The following IL36B variants were observed in gnomAD, a reference collection of about 807,000 sequenced individuals.
IL36B encodes interleukin-36 beta.
In IL36B, 23 loss-of-function variants were observed where a neutral mutation model predicts 19.3. The ratio of observed to expected loss-of-function variants is 1.19; its 90% CI spans 0.86 to 1.69. IL36B has a LOEUF of 1.69. Ranked by LOEUF, IL36B falls within the 40% of genes most tolerant of loss-of-function variation. The pLI is 0.00. For missense variants in IL36B, 217 were observed against 200.5 expected (o/e 1.08, Z -0.50); for synonymous variants, 59 against 59.7 (o/e 0.99, Z 0.05).
chr2:113,048,345 G>A (rs1685382362), intron 1 of IL36B, among the ~76,000 whole-genome samples: 1 of 152,176 alleles, frequency 6.6e-6, no homozygotes, highest in Admixed American at 6.5e-5. Flanking sequence ...AGGTGGCTGA[G>A]GCAGGAGAAT....
At position 113,049,697 on chromosome 2, in the gene IL36B, G is replaced by A. The variant is rs190141708; in HGVS notation, c.-58+3120C>T. Among the ~76,000 whole-genome samples, 47 of 152,350 alleles carry A rather than the reference G, an allele frequency of 3.1e-4. No individual in the cohort carries two copies. The East Asian group carries it at 7.7e-3, about 25-fold the overall frequency. On this transcript the variant is annotated intron_variant, in intron 1 of 5. Coordinates refer to ENST00000259213, the MANE Select transcript of IL36B (RefSeq NM_014438.5). ...GGGTGGGGCGTGATGGCTTATGCCTGTAATCCCAGCACTTTCGGAGGCCGA... is the reference window on the plus strand; with the variant it reads ...GGGTGGGGCGTGATGGCTTATGCCTATAATCCCAGCACTTTCGGAGGCCGA...
At chr2:113,028,205 G>A (rs568431563) in intron 4 of IL36B, 90 bp from the exon 5 acceptor site, 19 of 1,012,990 alleles carry the variant, frequency 1.9e-5, no homozygotes, top group African/African-American at 1.6e-4. Flanking sequence ...GAGAGGGACT[G>A]CTGCCCCCAA....
At chr2:113,032,123 G>A (rs543199927) in intron 1 of IL36B, among the ~76,000 whole-genome samples, 1,464 of 132,870 alleles carry the variant, frequency 0.011, 20 homozygotes, top group African/African-American at 0.04. Flanking sequence ...GACAGAGTGC[G>A]TGTGTGTGTC....
intron 5 of IL36B, among the ~76,000 whole-genome samples, chr2:113,023,392 G>A (rs1363751078): frequency 6.6e-6 from 1 of 152,194 alleles, no homozygotes; most frequent in African/African-American, 2.4e-5. Context: ...TTTGGCCTTG[G>A]TCAGTTAGAT....
Position 113,030,643 on chromosome 2 carries a change from C to T in IL36B, c.121+405G>A, listed in dbSNP as rs562051213. On this transcript the variant is annotated intron_variant, in intron 3 of 5. Coordinates refer to ENST00000259213, the MANE Select transcript of IL36B (RefSeq NM_014438.5). ...TTTTGATGGGAGAAAGGAATATTTC[C>T]CCATTATTAGAAAAGAGGATGCCAA... 3.9e-5 allele frequency among the ~76,000 whole-genome samples: 6 copies of T among 152,184 alleles called. No individual in the cohort carries two copies. In the South Asian group the frequency reaches 8.3e-4, roughly 21 times the overall value.
chr2:113,025,078 C>A (rs1257603767), intron 5 of IL36B, among the ~76,000 whole-genome samples: 6 of 152,178 alleles, frequency 3.9e-5, no homozygotes, highest in Non-Finnish European at 7.3e-5. Context: ...AGACTGTGCA[C>A]CGAGCCCTCC....
intron 1 of IL36B, among the ~76,000 whole-genome samples, chr2:113,035,802 T>C (rs1418556589): frequency 1.3e-5 from 2 of 152,126 alleles, no homozygotes; most frequent in African/African-American, 2.4e-5. Context: ...ATTCCCAGGA[T>C]GAAGCTGTGT....
intron 1 of IL36B, among the ~76,000 whole-genome samples, chr2:113,042,366 T>A (rs1338014980): frequency 4.0e-5 from 5 of 123,892 alleles, no homozygotes; most frequent in Admixed American, 2.4e-4. Flanking sequence ...GCGCAAAATA[T>A]ACAATTTGAT....
chr2:113,051,485 C>G (rs565568465), intron 1 of IL36B, among the ~76,000 whole-genome samples: 6 of 152,346 alleles, frequency 3.9e-5, no homozygotes, highest in Admixed American at 1.3e-4. Context: ...CCCACGCGCT[C>G]TCTCAGATCC....
At chr2:113,039,995 G>A (rs935404509) in intron 1 of IL36B, among the ~76,000 whole-genome samples, 5 of 152,200 alleles carry the variant, frequency 3.3e-5, no homozygotes, top group Non-Finnish European at 1.5e-5. Flanking sequence ...TTCGTAAGGT[G>A]GGCAGGCTGA....
chr2:113,022,670 A>G lies in IL36B; in HGVS notation c.*4T>C, dbSNP rs765770037. The G allele has an allele frequency of 6.4e-7, 1 of 1,564,812 alleles. No individual in the cohort carries two copies. The highest frequency in any genetic ancestry group is 8.8e-7 in the Non-Finnish European group (1 of 1,135,192). On this transcript the variant is annotated 3_prime_UTR_variant, in exon 6 of 6. Coordinates refer to ENST00000259213, the MANE Select transcript of IL36B (RefSeq NM_014438.5). ...TAGAGATGGGAATCTTCCTCCCCTT[A>G]TTTCTACATCCTTCCTGGCATTCCT...
intron 4 of IL36B, 56 bp downstream of exon 4, chr2:113,028,883 A>G (rs1475360182): frequency 1.2e-5 from 19 of 1,542,992 alleles, no homozygotes; most frequent in Non-Finnish European, 1.4e-5. Context: ...AACATAGTAA[A>G]TGAAATAGAA....
intron 1 of IL36B, among the ~76,000 whole-genome samples, chr2:113,046,494 C>G (rs563833432): frequency 1.3e-5 from 2 of 152,196 alleles, no homozygotes; most frequent in Admixed American, 1.3e-4. Context: ...AGGCGTGAGC[C>G]ACCGCGCCTG....
chr2:113,025,438 G>A (rs1202424038), intron 5 of IL36B, among the ~76,000 whole-genome samples: 1 of 152,208 alleles, frequency 6.6e-6, no homozygotes, highest in African/African-American at 2.4e-5. Context: ...TGCATTCTGA[G>A]AAACTGCTAA....
intron 1 of IL36B, among the ~76,000 whole-genome samples, chr2:113,052,226 A>T (rs1685461354): frequency 6.6e-6 from 1 of 152,162 alleles, no homozygotes. Context: ...CTGGGATTAC[A>T]GGTGCGAGCC....
At chr2:113,023,443 T>A (rs1026004091) in intron 5 of IL36B, among the ~76,000 whole-genome samples, 1 of 152,240 alleles carries the variant, frequency 6.6e-6, no homozygotes, top group Non-Finnish European at 1.5e-5. Flanking sequence ...TAGGCATAGA[T>A]AAAACTGATT....
intron 3 of IL36B, 138 bp from the exon 4 acceptor site, chr2:113,029,216 C>T: frequency 1.2e-6 from 1 of 831,094 alleles, no homozygotes; most frequent in Non-Finnish European, 1.8e-6. Flanking sequence ...CTCCTCAAAC[C>T]TATTTTGTTT....
In IL36B at chr2:113,026,868, G is replaced by T. The variant is rs574323301; in HGVS notation, c.262-636C>A. Reference sequence around the variant, plus strand: ...TAAATGATTTTTTAAAATATGGATTGGTTTACATTCACCATGGTTAGCAAT... The same window carrying T: ...TAAATGATTTTTTAAAATATGGATTTGTTTACATTCACCATGGTTAGCAAT... On this transcript the variant is annotated intron_variant, in intron 4 of 5. Transcript: ENST00000259213. Among the ~76,000 whole-genome samples, 12 of 152,290 alleles carry T rather than the reference G, an allele frequency of 7.9e-5. No individual in the cohort carries two copies. The South Asian group carries it at 2.5e-3, about 32-fold the overall frequency.
chr2:113,028,665 C>T (rs966563755), intron 4 of IL36B, among the ~76,000 whole-genome samples: 13 of 152,080 alleles, frequency 8.5e-5, no homozygotes, highest in Admixed American at 2.0e-4. Context: ...TAAACAGGAC[C>T]GAGAATGGAG....
Sources: allele counts gnomAD v4.1 joint callset (sites outside exome capture counted in the v4.1 genomes callset), GRCh38; gene constraint gnomAD v4.1.1; transcripts MANE v1.5; gene names NCBI Gene and HGNC (gene_info 2026-07-23, HGNC 2026-07-21).